The following OTULINL variants were observed in gnomAD, a reference collection of about 807,000 sequenced individuals.
OTULINL encodes the protein inactive ubiquitin thioesterase OTULINL.
Under a neutral mutation model 43.9 loss-of-function variants are expected in OTULINL, and 42 were observed. The ratio of observed to expected loss-of-function variants is 0.96; its 90% CI spans 0.75 to 1.24. The LOEUF (loss-of-function observed/expected upper bound fraction) is 1.24. Ranked by LOEUF, OTULINL falls within the 50% of genes most tolerant of loss-of-function variation. OTULINL has a pLI of 0.00. For missense variants in OTULINL, 411 were observed against 426.4 expected (o/e 0.96, Z 0.32); for synonymous variants, 172 against 153.6 (o/e 1.12, Z -0.88).
At position 14,615,976 on chromosome 5, in the gene OTULINL, C is replaced by T. The variant is rs17362465; in HGVS notation, c.*5662C>T. Among the ~76,000 whole-genome samples, 11,906 of 152,278 alleles carry T rather than the reference C, an allele frequency of 0.078. 486 individuals are homozygous for T. Among genetic ancestry groups the T allele is most frequent in the Non-Finnish European group, 0.094 (6,393 of 68,000 alleles). The stretch of plus-strand genomic sequence containing the variant: ...AAGTAGCTTTTTCCTTTTGAAACAT[C>T]ATTGTAAAACAGTGCTTTTTAAACT... On this transcript the variant is annotated 3_prime_UTR_variant, in exon 8 of 8. Coordinates refer to ENST00000274217, the MANE Select transcript of OTULINL (RefSeq NM_019018.3).
chr5:14,582,790 A>C (rs1178168007), intron 1 of OTULINL, among the ~76,000 whole-genome samples: 1 of 126,788 alleles, frequency 7.9e-6, no homozygotes, highest in Non-Finnish European at 1.6e-5. Flanking sequence ...ACTCTCAGCC[A>C]GGGAGACAGA....
rs79052747 is a variant in OTULINL at position 14,608,574 on chromosome 5, T to G, written c.628-174T>G. ...GGGAGACATGTTCAGTCCACTGCAG[T>G]ATACTTTTATGGTTAAAAAAAATCA... On this transcript the variant is annotated intron_variant, in intron 6 of 7. Transcript: ENST00000274217. Among the ~76,000 whole-genome samples, 339 of 152,310 alleles carry G rather than the reference T, an allele frequency of 2.2e-3. 9 individuals carry two copies. The East Asian group carries it at 0.053, about 24-fold the overall frequency.
At chr5:14,604,698 G>C (rs934283308) in intron 5 of OTULINL, among the ~76,000 whole-genome samples, 1 of 152,170 alleles carries the variant, frequency 6.6e-6, no homozygotes, top group Non-Finnish European at 1.5e-5. Context: ...CCTAAACAAA[G>C]GGACTACAGG....
intron 6 of OTULINL, 51 bp from the exon 7 acceptor site, chr5:14,608,695 GTA>G: frequency 7.3e-7 from 1 of 1,361,044 alleles, no homozygotes; most frequent in South Asian, 1.4e-5. Context: ...TTATGGAATG[GTA>G]TATGTCTTCA....
rs112290660 is a variant in OTULINL at position 14,589,767 on chromosome 5, A to G, written c.64+7809A>G. On this transcript the variant is annotated intron_variant, in intron 1 of 7. Coordinates refer to ENST00000274217, the MANE Select transcript of OTULINL (RefSeq NM_019018.3). ...GGGGTTCGAGACCAGCCTGGCCAAC[A>G]TGGTAAAACCCCTATTTCTACTGAA... Among the ~76,000 whole-genome samples the G allele has an allele frequency of 3.7e-3, 566 of 152,286 alleles. 1 individual carries two copies. The highest frequency in any genetic ancestry group is 5.4e-3 in the Non-Finnish European group (364 of 68,018).
chr5:14,595,640 C>CTTTTT (rs61482298), intron 1 of OTULINL, among the ~76,000 whole-genome samples: 4 of 57,110 alleles, frequency 7.0e-5, no homozygotes, highest in Non-Finnish European at 1.3e-4. Context: ...AAAAACGGTG[C>CTTTTT]TTTTTTTTTT....
rs1404290319 is a variant in OTULINL, at chr5:14,615,019, G to GTA, written c.*4706_*4707insAT. ...ACATGTTTTAAGTATTTTCATCGTA[G>GTA]TCTAGATGGGCTGTAAAACCCATTT... On this transcript the variant is annotated 3_prime_UTR_variant, in exon 8 of 8. Transcript: ENST00000274217. 2.4e-5 allele frequency: 8 copies of GTA among 333,570 alleles called. No individual in the cohort carries two copies. The highest frequency in any genetic ancestry group is 4.3e-5 in the Non-Finnish European group (8 of 185,908). 20.7% of individuals were successfully genotyped at this position (333,570 alleles called of 1,614,324 possible).
chr5:14,602,415 C>T lies in OTULINL; in HGVS notation c.498+83C>T, dbSNP rs1759404628. ...ACTCCTAGTCTTTGGGGGCTTTGTACTCAGATGACCATGAGATTGAAGAGA... is the reference window on the plus strand; with the variant it reads ...ACTCCTAGTCTTTGGGGGCTTTGTATTCAGATGACCATGAGATTGAAGAGA... On this transcript the variant is annotated intron_variant, in intron 5 of 7. Transcript: ENST00000274217. The T allele has an allele frequency of 3.1e-6, 4 of 1,294,670 alleles. No homozygotes were observed. In the African/African-American group the frequency reaches 4.5e-5, roughly 14 times the overall value. The allele number at this position is 1,294,670 out of a possible 1,614,324, so 80.2% of individuals were successfully genotyped here.
intron 1 of OTULINL, among the ~76,000 whole-genome samples, chr5:14,595,468 G>A (rs1579919640): frequency 6.6e-6 from 1 of 152,090 alleles, no homozygotes; most frequent in Admixed American, 6.6e-5. Context: ...CTGTTTGCAC[G>A]ATCACTTGGT....
intron 1 of OTULINL, among the ~76,000 whole-genome samples, chr5:14,582,269 G>T (rs1759016638): frequency 6.6e-6 from 1 of 151,956 alleles, no homozygotes; most frequent in Non-Finnish European, 1.5e-5. Flanking sequence ...GGTCTTTGGG[G>T]TCGGGGTCCC....
chr5:14,598,245 C>T (rs1056890264), intron 1 of OTULINL, among the ~76,000 whole-genome samples: 1 of 152,218 alleles, frequency 6.6e-6, no homozygotes, highest in Non-Finnish European at 1.5e-5. Flanking sequence ...TCACATCCAC[C>T]CACAAGTGAG....
chr5:14,597,435 G>A (rs967055068), intron 1 of OTULINL, among the ~76,000 whole-genome samples: 1 of 152,110 alleles, frequency 6.6e-6, no homozygotes, highest in Admixed American at 6.5e-5. Flanking sequence ...CAGTATGCAG[G>A]GCCAGCATGG....
At position 14,611,557 on chromosome 5, in the gene OTULINL, ACCT is replaced by A. The variant is rs1489666298; in HGVS notation, c.*1245_*1247del. On this transcript the variant is annotated 3_prime_UTR_variant, in exon 8 of 8. Coordinates refer to ENST00000274217, the MANE Select transcript of OTULINL (RefSeq NM_019018.3). ...TTTAGCCCAGTGAAGCCTGTGTTGG[ACCT>A]CTAATCTGCAGAACTGTAAGATAAT... is the stretch of plus-strand genomic sequence containing the variant. 2 of 152,146 alleles carry A rather than the reference ACCT, an allele frequency of 1.3e-5. No homozygotes were observed. The highest frequency in any genetic ancestry group is 2.9e-5 in the Non-Finnish European group (2 of 68,030). The allele number at this position is 152,146 out of a possible 1,614,324, so 9.4% of individuals were successfully genotyped here. A position where few individuals can be genotyped will look rare whatever the true frequency, so the allele number is the denominator to read the frequency against.
chr5:14,602,160 A>G, intron 4 of OTULINL, 23 bp from the exon 5 acceptor site: 6 of 1,539,132 alleles, frequency 3.9e-6, no homozygotes, highest in Non-Finnish European at 1.8e-6. Flanking sequence ...TTAATAAACA[A>G]CTTTCTCTTT....
intron 1 of OTULINL, among the ~76,000 whole-genome samples, chr5:14,597,078 G>A (rs951235440): frequency 6.6e-6 from 1 of 152,058 alleles, no homozygotes; most frequent in Non-Finnish European, 1.5e-5. Context: ...CTTACTGGCC[G>A]AGTCCCATTG....
intron 1 of OTULINL, among the ~76,000 whole-genome samples, chr5:14,594,237 C>G (rs1759250854): frequency 6.6e-6 from 1 of 152,204 alleles, no homozygotes; most frequent in Admixed American, 6.5e-5. Flanking sequence ...TCTTGAATCT[C>G]CATGTGCTCC....
At chr5:14,607,672 C>G (rs1759506423) in intron 6 of OTULINL, among the ~76,000 whole-genome samples, 1 of 152,176 alleles carries the variant, frequency 6.6e-6, no homozygotes, top group African/African-American at 2.4e-5. Flanking sequence ...TAATTAGGCC[C>G]TATAGGGTCG....
chr5:14,598,402 T>G (rs1759328743), intron 1 of OTULINL, among the ~76,000 whole-genome samples: 1 of 152,210 alleles, frequency 6.6e-6, no homozygotes, highest in South Asian at 2.1e-4. Flanking sequence ...GGGAAGTAGG[T>G]GCTCTCGTGT....
rs1007350121 is a variant in OTULINL, at chr5:14,610,287, C to T, written c.1044C>T (p.Asp348=). Residue 348 remains aspartate (D), a synonymous_variant, in exon 8 of 8, where the codon GAC becomes GAT. Coordinates refer to ENST00000274217, the MANE Select transcript of OTULINL (RefSeq NM_019018.3). ...AGATCTCCCTGCTGACCGAGAACGACCGCCACTACCACATTCCAGTCTTTT... is the reference window on the plus strand; with the variant it reads ...AGATCTCCCTGCTGACCGAGAACGATCGCCACTACCACATTCCAGTCTTTT... The part of the protein sequence containing the change: ...WPEISLLTEN[D]RHYHIPVF The T allele has an allele frequency of 5.0e-6, 8 of 1,613,100 alleles. No homozygotes were observed. The highest frequency in any genetic ancestry group is 5.1e-6 in the Non-Finnish European group (6 of 1,180,030).
Sources: allele counts gnomAD v4.1 joint callset (sites outside exome capture counted in the v4.1 genomes callset), GRCh38; gene constraint gnomAD v4.1.1; transcripts MANE v1.5; gene names NCBI Gene and HGNC (gene_info 2026-07-23, HGNC 2026-07-21).